HK1: variants seen among roughly 807,000 people sequenced by gnomAD.
HK1 encodes the protein hexokinase 1, also known as hexokinase-1.
HK1 carries 28 observed loss-of-function variants against 91.6 expected under a neutral mutation model. That is an observed-to-expected ratio of 0.31 (90% CI 0.23 to 0.42). HK1 has a LOEUF of 0.42. Among genes scored for constraint, HK1 ranks in the 10% least tolerant of loss-of-function variants. The probability of loss-of-function intolerance (pLI) is 1.00; values close to 1 mark genes in which losing one functional copy is unlikely to be tolerated. For synonymous variants in HK1, 430 were observed against 468.1 expected, an observed-to-expected ratio of 0.92 and a Z score of 1.05; for missense variants, 770 against 1,219.8, an observed-to-expected ratio of 0.63 and a Z score of 5.49.
At chr10:69,348,653 A>G (rs565409882) in intron 2 of HK1, among the ~76,000 whole-genome samples, 1 of 152,336 alleles carries the variant, frequency 6.6e-6, no homozygotes, top group South Asian at 2.1e-4. Flanking sequence ...TCTACTAAAA[A>G]TACAAAAATT....
intron 13 of HK1, 48 bp downstream of exon 13, chr10:69,386,466 T>C: frequency 1.4e-6 from 2 of 1,418,878 alleles, no homozygotes; most frequent in Non-Finnish European, 2.0e-6. Context: ...TTTTAGGGGC[T>C]TCTAAAAAGT....
At chr10:69,361,293 T>A (rs778151613) in intron 3 of HK1, among the ~76,000 whole-genome samples, 1 of 152,250 alleles carries the variant, frequency 6.6e-6, no homozygotes, top group Non-Finnish European at 1.5e-5. Flanking sequence ...GCTCCCCTGC[T>A]ACTCCCATTA....
At chr10:69,285,128 T>C (rs914105677) in intron 2 of HK1, among the ~76,000 whole-genome samples, 5 of 151,928 alleles carry the variant, frequency 3.3e-5, no homozygotes, top group African/African-American at 1.2e-4. Context: ...CGTGAGATCC[T>C]ATTCCTTAAA....
intron 2 of HK1, among the ~76,000 whole-genome samples, chr10:69,352,649 T>C (rs983829125): frequency 1.3e-5 from 2 of 152,210 alleles, no homozygotes; most frequent in Non-Finnish European, 1.5e-5. Flanking sequence ...ATTCCACTTA[T>C]ATGAAATGTC....
intron 1 of HK1, among the ~76,000 whole-genome samples, chr10:69,280,417 C>T (rs1409589110): frequency 1.3e-5 from 2 of 152,160 alleles, no homozygotes; most frequent in African/African-American, 2.4e-5. Context: ...ACGCCCAGCC[C>T]GGAAAAGGTT....
intron 1 of HK1, among the ~76,000 whole-genome samples, chr10:69,327,278 G>GC (rs1269525558): frequency 2.6e-5 from 4 of 152,036 alleles, no homozygotes; most frequent in African/African-American, 9.7e-5. Flanking sequence ...ATAGGCCTGA[G>GC]CCCCCACACT....
At chr10:69,323,520 C>CAAAA (rs11421011) in intron 1 of HK1, among the ~76,000 whole-genome samples, 4 of 95,196 alleles carry the variant, frequency 4.2e-5, no homozygotes, top group Admixed American at 1.2e-4. Context: ...GACTCTGTCT[C>CAAAA]AAAAAAAAAA....
upstream of HK1, among the ~76,000 whole-genome samples, chr10:69,314,752 C>T (rs1217885416): frequency 3.3e-5 from 5 of 152,180 alleles, no homozygotes; most frequent in African/African-American, 1.2e-4. Flanking sequence ...ACCACAACCT[C>T]CACCTCCCAG....
chr10:69,297,763 G>C (rs993559487), intron 4 of HK1, among the ~76,000 whole-genome samples: 1 of 150,794 alleles, frequency 6.6e-6, no homozygotes, highest in Non-Finnish European at 1.5e-5. Flanking sequence ...AGACATGGTG[G>C]TGTGCATCTG....
chr10:69,303,803 G>A (rs191362250), intron 5 of HK1, among the ~76,000 whole-genome samples: 10 of 152,286 alleles, frequency 6.6e-5, no homozygotes, highest in Admixed American at 3.3e-4. Context: ...TCACCTTTGC[G>A]GGAGACTGGG....
Position 69,392,214 on chromosome 10 carries a change from T to TG in HK1, c.2131dup (p.Ala711GlyfsTer10). ...GGGGCAGATGTGCATCAACATGGAG[T>TG]GGGGGGCCTTTGGGGACAACGGGTG... On this transcript the variant is annotated frameshift_variant, in exon 15 of 18. Coordinates refer to ENST00000359426, the MANE Select transcript of HK1 (RefSeq NM_000188.3). LOFTEE classifies it high-confidence loss of function. The TG allele has an allele frequency of 1.9e-6, 3 of 1,613,500 alleles. No homozygotes were observed. Among genetic ancestry groups the TG allele is most frequent in the Non-Finnish European group, 2.5e-6 (3 of 1,179,844 alleles).
chr10:69,294,665 G>A (rs758154979), intron 3 of HK1, among the ~76,000 whole-genome samples: 9 of 151,270 alleles, frequency 5.9e-5, no homozygotes, highest in Non-Finnish European at 2.9e-5. Flanking sequence ...AGACCAGCTG[G>A]GCCAACATAG....
intron 10 of HK1, among the ~76,000 whole-genome samples, chr10:69,383,458 C>T (rs1024495625): frequency 7.2e-5 from 11 of 152,306 alleles, no homozygotes; most frequent in Admixed American, 2.6e-4. Flanking sequence ...CTTGGAGTAA[C>T]GAATGTTTGT....
At chr10:69,305,241 A>T (rs111473117) in intron 5 of HK1, among the ~76,000 whole-genome samples, 3,206 of 152,232 alleles carry the variant, frequency 0.021, 113 homozygotes, top group African/African-American at 0.071. Context: ...GAGGCTCCAG[A>T]AGCTACTGAG....
chr10:69,329,757 G>C lies in HK1; in HGVS notation c.63+10747G>C, dbSNP rs542601393. ...GAGGGAAAGACTGGGGTGGGAGAGG[G>C]GTGGAATTGGCTTGGGATCCTCCAG... is the stretch of plus-strand genomic sequence containing the variant. On this transcript the variant is annotated intron_variant, in intron 1 of 17. Transcript: ENST00000359426. Among the ~76,000 whole-genome samples the C allele has an allele frequency of 4.9e-4, 75 of 152,126 alleles. 1 individual carries two copies. The South Asian group carries it at 0.015, about 30-fold the overall frequency.
chr10:69,340,991 T>G (rs958250564), intron 1 of HK1, among the ~76,000 whole-genome samples: 1 of 151,992 alleles, frequency 6.6e-6, no homozygotes, highest in Non-Finnish European at 1.5e-5. Flanking sequence ...CCAGGAAGCC[T>G]TCTCTCCCAT....
chr10:69,384,891 C>G lies in HK1; in HGVS notation c.1815C>G (p.Pro605=), dbSNP rs1455060072. The G allele has an allele frequency of 6.2e-7, 1 of 1,614,210 alleles. No individual in the cohort carries two copies. Reference sequence around the variant, plus strand: ...CTCTGGGCTTCACGTTCTCATTTCCCTGCCAGCAGACGAGTCTGGACGCGG... The same window carrying G: ...CTCTGGGCTTCACGTTCTCATTTCCGTGCCAGCAGACGAGTCTGGACGCGG... ...RMPLGFTFSF[P]CQQTSLDAGI... Residue 605 remains proline (P), a synonymous_variant, in exon 12 of 18, where the codon CCC becomes CCG. Transcript: ENST00000359426.
chr10:69,324,562 G>C (rs183863519), intron 1 of HK1, among the ~76,000 whole-genome samples: 15 of 152,206 alleles, frequency 9.9e-5, no homozygotes, highest in Admixed American at 3.3e-4. Context: ...CTGGGTGACA[G>C]AACGAGACTC....
At chr10:69,320,066 G>A (rs1242731756) in intron 1 of HK1, among the ~76,000 whole-genome samples, 4 of 152,084 alleles carry the variant, frequency 2.6e-5, no homozygotes, top group Non-Finnish European at 4.4e-5. Flanking sequence ...TTTTCTGCCC[G>A]GCAAGCCATA....
Sources: allele counts gnomAD v4.1 joint callset (sites outside exome capture counted in the v4.1 genomes callset), GRCh38; gene constraint gnomAD v4.1.1; transcripts MANE v1.5; gene names NCBI Gene and HGNC (gene_info 2026-07-23, HGNC 2026-07-21).